Variants in NPAS3 observed in about 807,000 individuals in gnomAD.
NPAS3 encodes neuronal PAS domain-containing protein 3.
A neutral mutation model predicts 73.1 loss-of-function variants in NPAS3; 14 were observed. The observed-to-expected ratio is 0.19, with a 90% CI of 0.13 to 0.30. The LOEUF (loss-of-function observed/expected upper bound fraction) is 0.30. Among genes scored for constraint, NPAS3 ranks in the 10% least tolerant of loss-of-function variants. The probability of loss-of-function intolerance (pLI) is 1.00; values close to 1 mark genes in which losing one functional copy is unlikely to be tolerated. For synonymous variants in NPAS3, 620 were observed against 541.5 expected (o/e 1.14, Z -2.01); for missense variants, 1,096 against 1,250.0 (o/e 0.88, Z 1.86).
At chr14:33,692,151 C>T (rs769177280) in intron 6 of NPAS3, among the ~76,000 whole-genome samples, 13 of 152,074 alleles carry the variant, frequency 8.5e-5, no homozygotes, top group East Asian at 1.9e-4. Context: ...GGTATGTGAG[C>T]GCAGGCAATG....
At chr14:33,756,049 A>G (rs987282871) in intron 7 of NPAS3, among the ~76,000 whole-genome samples, 2 of 152,146 alleles carry the variant, frequency 1.3e-5, no homozygotes, top group Non-Finnish European at 2.9e-5. Context: ...CACCTCCAAC[A>G]TTGAGGATCT....
chr14:33,563,040 CA>C (rs2055730394), intron 5 of NPAS3, among the ~76,000 whole-genome samples: 2 of 152,044 alleles, frequency 1.3e-5, no homozygotes, highest in African/African-American at 4.8e-5. Flanking sequence ...CTTTCCTTTC[CA>C]AATAGTTTTG....
At chr14:33,265,240 C>T (rs754744112) in intron 3 of NPAS3, among the ~76,000 whole-genome samples, 9 of 152,178 alleles carry the variant, frequency 5.9e-5, no homozygotes, top group East Asian at 1.9e-4. Context: ...CCTAACACTT[C>T]GGACTTCTGA....
chr14:33,664,849 T>C (rs1197511542), intron 5 of NPAS3, among the ~76,000 whole-genome samples: 2 of 152,120 alleles, frequency 1.3e-5, no homozygotes, highest in Admixed American at 6.5e-5. Context: ...TATTAAAAAG[T>C]CAGGAAACAA....
intron 2 of NPAS3, among the ~76,000 whole-genome samples, chr14:33,170,341 C>A (rs1446862580): frequency 6.6e-6 from 1 of 152,186 alleles, no homozygotes; most frequent in African/African-American, 2.4e-5. Flanking sequence ...GAACAATCAT[C>A]TGAACTTTCA....
At chr14:33,004,942 T>C (rs1424024638) in intron 1 of NPAS3, among the ~76,000 whole-genome samples, 1 of 151,724 alleles carries the variant, frequency 6.6e-6, no homozygotes, top group Non-Finnish European at 1.5e-5. Flanking sequence ...CTTCACATCT[T>C]GTCCCACTGG....
chr14:33,469,254 G>T (rs887051487), intron 4 of NPAS3, among the ~76,000 whole-genome samples: 28 of 150,198 alleles, frequency 1.9e-4, no homozygotes, highest in Non-Finnish European at 3.5e-4. Context: ...TTCAGCAAAT[G>T]CCTTCCTATC....
chr14:33,800,525 G>T lies in NPAS3; in HGVS notation c.2218G>T (p.Ala740Ser). 7.2e-7 allele frequency: 1 copy of T among 1,384,314 alleles called. No homozygotes were observed. The highest frequency in any genetic ancestry group is 9.3e-7 in the Non-Finnish European group (1 of 1,076,472). The allele number at this position is 1,384,314 out of a possible 1,614,324, so 85.8% of individuals were successfully genotyped here. ...CGGCGCCTCGGCCACCGCGGCCCTG[G>T]CCCCCGTCGCCTCCGACCCGCTGTC... is the stretch of plus-strand genomic sequence containing the variant. The change falls in exon 12 of 12, where the codon GCC (alanine) becomes TCC (serine). Residue 740 changes from alanine (A) to serine (S), a missense_variant. Ala to Ser is a moderately conservative substitution (Grantham distance 99). Around this residue, in one of 5 missense-constraint regions of NPAS3, gnomAD observed 698 missense variants for 676.7 expected, o/e 1.03. Coordinates refer to ENST00000356141, the Ensembl canonical transcript of NPAS3. This position sits in a 1 kb window ranked among gnomAD's most constrained non-coding sequence, Gnocchi z 6.5.
At chr14:33,545,196 T>C (rs2054784260) in intron 4 of NPAS3, among the ~76,000 whole-genome samples, 1 of 152,112 alleles carries the variant, frequency 6.6e-6, no homozygotes, top group South Asian at 2.1e-4. Flanking sequence ...ACTATTGAGT[T>C]TTTTTCTTGC....
chr14:33,775,673 AT>A (rs1483595472), intron 8 of NPAS3, among the ~76,000 whole-genome samples: 2 of 152,210 alleles, frequency 1.3e-5, no homozygotes, highest in Admixed American at 1.3e-4. Flanking sequence ...TGTTGCTGTT[AT>A]TTGATAAGAA....
At chr14:33,660,283 C>T (rs1230058883) in intron 5 of NPAS3, among the ~76,000 whole-genome samples, 1 of 152,204 alleles carries the variant, frequency 6.6e-6, no homozygotes, top group Non-Finnish European at 1.5e-5. Context: ...ACAACTAAGT[C>T]TGCCATGTCC....
intron 5 of NPAS3, among the ~76,000 whole-genome samples, chr14:33,652,052 C>T (rs973095284): frequency 7.9e-5 from 12 of 152,026 alleles, no homozygotes; most frequent in African/African-American, 1.7e-4. Flanking sequence ...TTGACAAATA[C>T]GGTTAAAAAT....
chr14:33,086,093 A>G (rs1686211044), intron 2 of NPAS3, among the ~76,000 whole-genome samples: 1 of 152,208 alleles, frequency 6.6e-6, no homozygotes, highest in African/African-American at 2.4e-5. Flanking sequence ...GTAGATACTC[A>G]CACAGGATTG....
intron 7 of NPAS3, among the ~76,000 whole-genome samples, chr14:33,755,448 A>G (rs2062086099): frequency 6.6e-6 from 1 of 152,216 alleles, no homozygotes; most frequent in Non-Finnish European, 1.5e-5. Flanking sequence ...TGTTCATAAA[A>G]TAAAAGTAGG....
chr14:33,287,056 G>T (rs558440297), intron 3 of NPAS3, among the ~76,000 whole-genome samples: 1 of 152,072 alleles, frequency 6.6e-6, no homozygotes, highest in African/African-American at 2.4e-5. Context: ...GATAATAAAA[G>T]CCTGGAAATA....
intron 2 of NPAS3, among the ~76,000 whole-genome samples, chr14:33,171,541 G>T (rs1358195564): frequency 1.3e-5 from 2 of 152,302 alleles, no homozygotes; most frequent in South Asian, 2.1e-4. Context: ...TTCTTCTGCA[G>T]CTTCCTCACC....
At chr14:33,799,067 C>G (rs2063601216) in intron 11 of NPAS3, among the ~76,000 whole-genome samples, 1 of 151,610 alleles carries the variant, frequency 6.6e-6, no homozygotes, top group Non-Finnish European at 1.5e-5. Context: ...ATCGTTTGAG[C>G]CGGGGAGGGC....
intron 2 of NPAS3, among the ~76,000 whole-genome samples, chr14:33,209,155 A>G (rs1372015974): frequency 2.0e-5 from 3 of 152,146 alleles, no homozygotes; most frequent in African/African-American, 7.2e-5. Context: ...TTTGGAGAGC[A>G]TTAAACTACT....
chr14:33,148,768 G>A (rs983488461), intron 2 of NPAS3, among the ~76,000 whole-genome samples: 5 of 152,014 alleles, frequency 3.3e-5, no homozygotes, highest in Non-Finnish European at 5.9e-5. Context: ...CTCCCTGTAA[G>A]CCTCCAATTC....
Sources: gnomAD v4.1 joint callset for allele counts (sites outside exome capture counted in the v4.1 genomes callset) on GRCh38, gnomAD v4.1.1 for gene constraint, gnomAD v4.1.1 regional missense constraint, Gnocchi (gnomAD v3.1) non-coding constraint, MANE v1.5 for transcripts, NCBI Gene and HGNC (gene_info 2026-07-23, HGNC 2026-07-21) for gene names.